SLC24A3: variants seen among roughly 807,000 people sequenced by gnomAD.
The protein encoded by SLC24A3 is sodium/potassium/calcium exchanger 3.
SLC24A3 carries 28 observed loss-of-function variants against 75.8 expected under a neutral mutation model. The observed-to-expected ratio is 0.37, with a 90% CI of 0.27 to 0.51. The LOEUF (loss-of-function observed/expected upper bound fraction) is 0.51. Ranked by LOEUF, SLC24A3 falls within the 20% of genes least tolerant of loss-of-function variation. SLC24A3 has a pLI of 0.94. For missense variants in SLC24A3, 663 were observed against 847.8 expected (o/e 0.78, Z 2.71); for synonymous variants, 372 against 334.1 (o/e 1.11, Z -1.24).
chr20:19,581,520 G>C (rs112429018), intron 4 of SLC24A3, among the ~76,000 whole-genome samples: 1 of 152,172 alleles, frequency 6.6e-6, no homozygotes, highest in African/African-American at 2.4e-5. Context: ...GCAGGTGTGA[G>C]TCTTTTAACA....
rs116856270 is a variant in SLC24A3 at position 19,216,236 on chromosome 20, T to A, written c.142+3252T>A. 1.3e-4 allele frequency among the ~76,000 whole-genome samples: 20 copies of A among 152,338 alleles called. No individual in the cohort carries two copies. The East Asian group carries it at 3.9e-3, about 29-fold the overall frequency. Reference sequence around the variant, plus strand: ...TTTTGCAATGAGAATAGATTACTTTTGTGTATTTTGAGTGGTTTAAAAGTG... The same window carrying A: ...TTTTGCAATGAGAATAGATTACTTTAGTGTATTTTGAGTGGTTTAAAAGTG... On this transcript the variant is annotated intron_variant, in intron 1 of 16. Transcript: ENST00000328041.
chr20:19,474,201 G>A (rs1012271207), intron 2 of SLC24A3, among the ~76,000 whole-genome samples: 1 of 152,156 alleles, frequency 6.6e-6, no homozygotes, highest in Non-Finnish European at 1.5e-5. Flanking sequence ...AGCAGCACCA[G>A]CCTGAAGCAA....
chr20:19,712,335 G>C (rs1040114841), intron 15 of SLC24A3, among the ~76,000 whole-genome samples: 1 of 151,952 alleles, frequency 6.6e-6, no homozygotes, highest in South Asian at 2.1e-4. Context: ...AAAAACTCAC[G>C]AGCCAGGCAT....
intron 1 of SLC24A3, 30 bp from the exon 2 acceptor site, chr20:19,280,926 AATG>A: frequency 6.2e-7 from 1 of 1,608,494 alleles, no homozygotes; most frequent in Non-Finnish European, 8.5e-7. Context: ...CCCAGCTGTG[AATG>A]ATGTGTGGTT....
chr20:19,666,130 G>T (rs572820509), intron 8 of SLC24A3, among the ~76,000 whole-genome samples: 1 of 152,276 alleles, frequency 6.6e-6, no homozygotes, highest in Non-Finnish European at 1.5e-5. Context: ...ATATCTAAAT[G>T]TCTTTATTAT....
intron 2 of SLC24A3, 134 bp downstream of exon 2, chr20:19,281,221 G>C: frequency 7.5e-7 from 1 of 1,326,734 alleles, no homozygotes; most frequent in Non-Finnish European, 1.0e-6. Context: ...GGGAGTCTAA[G>C]AAACTTTCAG....
chr20:19,513,547 G>C (rs1315967551), intron 2 of SLC24A3, among the ~76,000 whole-genome samples: 1 of 152,098 alleles, frequency 6.6e-6, no homozygotes, highest in Non-Finnish European at 1.5e-5. Flanking sequence ...AACTCCTCCA[G>C]GCTTCTCCCA....
chr20:19,676,973 T>C (rs950391970), intron 9 of SLC24A3, among the ~76,000 whole-genome samples: 1 of 152,206 alleles, frequency 6.6e-6, no homozygotes, highest in African/African-American at 2.4e-5. Context: ...ACAAGATTAA[T>C]AATAATTTCT....
At chr20:19,555,057 C>A (rs1438890069) in intron 3 of SLC24A3, among the ~76,000 whole-genome samples, 1 of 152,164 alleles carries the variant, frequency 6.6e-6, no homozygotes, top group African/African-American at 2.4e-5. Context: ...TTTTCTAATT[C>A]TTTGTGGTTT....
rs1362892277 is a variant in SLC24A3 at position 19,716,395 on chromosome 20, G to A, written c.1720-1133G>A. On this transcript the variant is annotated intron_variant, in intron 15 of 16. Coordinates refer to ENST00000328041, the MANE Select transcript of SLC24A3 (RefSeq NM_020689.4). The stretch of plus-strand genomic sequence containing the variant: ...CATGTGGCTCTTTAAATGTAAATTT[G>A]GTTAAAGATGAGATTAAAACTGTTT... Among the ~76,000 whole-genome samples, 3 of 135,740 alleles carry A rather than the reference G, an allele frequency of 2.2e-5. No individual in the cohort carries two copies. The East Asian group carries it at 7.1e-4, about 32-fold the overall frequency. The allele number at this position is 135,740 out of a possible 152,430, so 89.1% of individuals were successfully genotyped here.
At chr20:19,506,644 A>G (rs573487690) in intron 2 of SLC24A3, among the ~76,000 whole-genome samples, 2 of 152,266 alleles carry the variant, frequency 1.3e-5, no homozygotes, top group African/African-American at 2.4e-5. Context: ...AGTGATAAAT[A>G]TATTTTCAAT....
chr20:19,692,433 A>G (rs943932496), intron 12 of SLC24A3, among the ~76,000 whole-genome samples: 1 of 152,234 alleles, frequency 6.6e-6, no homozygotes, highest in Admixed American at 6.5e-5. Flanking sequence ...AGGAGGGAAT[A>G]CTACACAGCA....
intron 2 of SLC24A3, among the ~76,000 whole-genome samples, chr20:19,351,901 G>A (rs1303519659): frequency 2.6e-5 from 4 of 152,128 alleles, no homozygotes; most frequent in Non-Finnish European, 5.9e-5. Context: ...TGCCATTAAT[G>A]CATTGTGAAG....
intron 15 of SLC24A3, among the ~76,000 whole-genome samples, chr20:19,711,968 G>A (rs999679009): frequency 6.7e-6 from 1 of 150,088 alleles, no homozygotes; most frequent in African/African-American, 2.5e-5. Context: ...TTTGTTTGGG[G>A]TAGGGTTTTG....
intron 2 of SLC24A3, among the ~76,000 whole-genome samples, chr20:19,316,459 G>C (rs960573146): frequency 6.6e-6 from 1 of 152,260 alleles, no homozygotes; most frequent in African/African-American, 2.4e-5. Flanking sequence ...GAGCAAGTAC[G>C]ATGGTCCCTT....
chr20:19,704,437 T>C (rs566789588), intron 15 of SLC24A3, among the ~76,000 whole-genome samples: 1 of 152,330 alleles, frequency 6.6e-6, no homozygotes, highest in East Asian at 1.9e-4. Context: ...ACCCACTATA[T>C]GCCAGGAACT....
At chr20:19,586,495 CA>C (rs1032371072) in intron 6 of SLC24A3, among the ~76,000 whole-genome samples, 18 of 152,250 alleles carry the variant, frequency 1.2e-4, no homozygotes, top group African/African-American at 4.1e-4. Context: ...CTGATTGGGT[CA>C]GGGGGCTAAG....
chr20:19,363,412 T>A (rs1274997852), intron 2 of SLC24A3, among the ~76,000 whole-genome samples: 1 of 152,264 alleles, frequency 6.6e-6, no homozygotes, highest in Non-Finnish European at 1.5e-5. Context: ...ATGAAGACTT[T>A]CCCGTCTTCT....
intron 2 of SLC24A3, among the ~76,000 whole-genome samples, chr20:19,281,650 C>A (rs1341240147): frequency 1.3e-5 from 2 of 151,916 alleles, no homozygotes; most frequent in Admixed American, 6.6e-5. Flanking sequence ...CAAAGCAGAT[C>A]AAAGGGAATG....
Sources: allele counts gnomAD v4.1 joint callset (sites outside exome capture counted in the v4.1 genomes callset), GRCh38; gene constraint gnomAD v4.1.1; transcripts MANE v1.5; gene names NCBI Gene and HGNC (gene_info 2026-07-23, HGNC 2026-07-21).